The following THSD7B variants were observed in gnomAD, a reference collection of about 807,000 sequenced individuals.
THSD7B encodes the protein thrombospondin type 1 domain containing 7B.
In THSD7B, 138 loss-of-function variants were observed where a neutral mutation model predicts 213.6. The observed-to-expected ratio is 0.65, with a 90% confidence interval of 0.56 to 0.74. THSD7B has a LOEUF of 0.74. Among genes scored for constraint, THSD7B ranks in the 30% least tolerant of loss-of-function variants. THSD7B has a pLI of 0.00. For synonymous variants in THSD7B, 742 were observed against 687.0 expected (o/e 1.08, Z -1.25); for missense variants, 1,931 against 1,991.5 (o/e 0.97, Z 0.58).
chr2:137,032,106 G>A (rs1185550310), intron 2 of THSD7B, among the ~76,000 whole-genome samples: 1 of 151,690 alleles, frequency 6.6e-6, no homozygotes, highest in Non-Finnish European at 1.5e-5. Flanking sequence ...CTCCCAAAAT[G>A]CTGAGATTAC....
At chr2:137,159,946 G>A (rs1679982669) in intron 5 of THSD7B, among the ~76,000 whole-genome samples, 1 of 152,034 alleles carries the variant, frequency 6.6e-6, no homozygotes, top group African/African-American at 2.4e-5. Context: ...GATATTTCCA[G>A]TTCTCTCTTA....
chr2:137,262,699 A>G (rs1558977489), intron 10 of THSD7B, among the ~76,000 whole-genome samples: 1 of 152,080 alleles, frequency 6.6e-6, no homozygotes, highest in South Asian at 2.1e-4. Context: ...AGCATGCCAT[A>G]TGGTCTTTTT....
intron 24 of THSD7B, among the ~76,000 whole-genome samples, chr2:137,659,012 G>C (rs1025610901): frequency 6.6e-6 from 1 of 152,138 alleles, no homozygotes; most frequent in African/African-American, 2.4e-5. Flanking sequence ...CAGTTACAGA[G>C]ACATACATTG....
intron 5 of THSD7B, among the ~76,000 whole-genome samples, chr2:137,136,618 C>T (rs1679466673): frequency 6.6e-6 from 1 of 152,132 alleles, no homozygotes; most frequent in Admixed American, 6.6e-5. Context: ...TCTAGGAACT[C>T]TGAGTATGTG....
At chr2:137,002,802 A>G (rs1686026415) in intron 2 of THSD7B, among the ~76,000 whole-genome samples, 1 of 152,102 alleles carries the variant, frequency 6.6e-6, no homozygotes, top group African/African-American at 2.4e-5. Flanking sequence ...TCATTACTTT[A>G]AAAACTATAT....
intron 2 of THSD7B, among the ~76,000 whole-genome samples, chr2:136,956,007 C>T (rs928737221): frequency 4.4e-5 from 6 of 135,740 alleles, no homozygotes; most frequent in Non-Finnish European, 9.2e-5. Flanking sequence ...CCAGCCTGGG[C>T]GAGAGCGAGA....
At chr2:137,393,193 G>A (rs1686080308) in intron 12 of THSD7B, among the ~76,000 whole-genome samples, 2 of 146,792 alleles carry the variant, frequency 1.4e-5, no homozygotes, top group African/African-American at 2.5e-5. Flanking sequence ...AAGTTTTAGG[G>A]TACATGTGCA....
intron 2 of THSD7B, among the ~76,000 whole-genome samples, chr2:137,016,663 G>T (rs762844168): frequency 9.9e-5 from 15 of 152,036 alleles, no homozygotes; most frequent in Non-Finnish European, 1.8e-4. Flanking sequence ...TTTGGGCCAG[G>T]GTATATTCTC....
At chr2:136,769,921 A>G (rs1186499632) in intron 1 of THSD7B, among the ~76,000 whole-genome samples, 1 of 152,250 alleles carries the variant, frequency 6.6e-6, no homozygotes, top group Non-Finnish European at 1.5e-5. Context: ...CTTTCTGGGC[A>G]TATTTTAATT....
chr2:136,908,854 T>A (rs541821929), intron 2 of THSD7B, among the ~76,000 whole-genome samples: 5 of 152,194 alleles, frequency 3.3e-5, no homozygotes, highest in South Asian at 2.1e-4. Flanking sequence ...ACAAGTAAAC[T>A]TATGGGAACA....
At position 137,340,361 on chromosome 2, in the gene THSD7B, C is replaced by T. The variant is rs920629152; in HGVS notation, c.2500+64335C>T. On this transcript the variant is annotated intron_variant, in intron 12 of 27. Transcript: ENST00000409968. ...ATAGTTTATAATTATATAAATTGTA[C>T]AAAGTGATGTTATGATTTATGAATA... Among the ~76,000 whole-genome samples, 7 of 151,632 alleles carry T rather than the reference C, an allele frequency of 4.6e-5. No homozygotes were observed. The East Asian group carries it at 1.2e-3, about 25-fold the overall frequency.
At chr2:137,334,626 A>G (rs1375823260) in intron 12 of THSD7B, among the ~76,000 whole-genome samples, 1 of 152,078 alleles carries the variant, frequency 6.6e-6, no homozygotes, top group Non-Finnish European at 1.5e-5. Context: ...TCACTGACCA[A>G]ATTAGGACAT....
intron 12 of THSD7B, among the ~76,000 whole-genome samples, chr2:137,317,596 G>A (rs1684153393): frequency 6.6e-6 from 1 of 152,090 alleles, no homozygotes; most frequent in Non-Finnish European, 1.5e-5. Flanking sequence ...ACAAAACGTG[G>A]GCTTTAAAAA....
At chr2:137,508,659 G>C (rs1679893179) in intron 15 of THSD7B, among the ~76,000 whole-genome samples, 1 of 151,712 alleles carries the variant, frequency 6.6e-6, no homozygotes, top group African/African-American at 2.4e-5. Flanking sequence ...AAAGTGCTGG[G>C]ATTACCGGCT....
chr2:136,936,376 T>G (rs950227554), intron 2 of THSD7B, among the ~76,000 whole-genome samples: 24 of 152,074 alleles, frequency 1.6e-4, no homozygotes, highest in South Asian at 1.0e-3. Flanking sequence ...CACACGCATG[T>G]TTATAGCAGC....
intron 10 of THSD7B, among the ~76,000 whole-genome samples, chr2:137,255,315 A>T (rs1317937012): frequency 6.6e-6 from 1 of 152,146 alleles, no homozygotes; most frequent in East Asian, 1.9e-4. Flanking sequence ...AAGACAGAAG[A>T]ATATGTGCAT....
chr2:137,271,331 T>TAA (rs1489512382), intron 10 of THSD7B, among the ~76,000 whole-genome samples: 11 of 149,024 alleles, frequency 7.4e-5, no homozygotes, highest in African/African-American at 2.7e-4. Context: ...TACATCTCAG[T>TAA]GCCCTTCTTC....
At chr2:136,883,694 A>T (rs1683664840) in intron 2 of THSD7B, among the ~76,000 whole-genome samples, 1 of 152,192 alleles carries the variant, frequency 6.6e-6, no homozygotes, top group African/African-American at 2.4e-5. Context: ...TTTTGAAGCA[A>T]GTTTTAAAAT....
At chr2:137,053,338 C>A (rs60034177) in intron 2 of THSD7B, among the ~76,000 whole-genome samples, 13,182 of 151,988 alleles carry the variant, frequency 0.087, 703 homozygotes, top group East Asian at 0.17. Flanking sequence ...TCAAATATAG[C>A]AATTTTAATT....
Sources: allele counts gnomAD v4.1 joint callset (sites outside exome capture counted in the v4.1 genomes callset), GRCh38; gene constraint gnomAD v4.1.1; transcripts MANE v1.5; gene names NCBI Gene and HGNC (gene_info 2026-07-23, HGNC 2026-07-21).